ANPEP: variants seen among roughly 807,000 people sequenced by gnomAD.
ANPEP encodes the protein aminopeptidase N.
Under a neutral mutation model 114.6 loss-of-function variants are expected in ANPEP, and 70 were observed. The observed-to-expected ratio is 0.61, with a 90% confidence interval of 0.50 to 0.75. The LOEUF is 0.75. ANPEP is among the 30% of genes least tolerant of loss of function. The pLI, the probability that ANPEP is intolerant of heterozygous loss-of-function variation, is 0.00. For synonymous variants in ANPEP, 548 were observed against 522.3 expected, an observed-to-expected ratio of 1.05 and a Z score of -0.67; for missense variants, 1,184 against 1,259.5, an observed-to-expected ratio of 0.94 and a Z score of 0.91.
In ANPEP at chr15:89,797,590, G is replaced by C. The variant is rs190731361; in HGVS notation, c.2142C>G (p.Val714=). ...ACCTCCGTACCTTCATGGGGCCATA[G>C]ACCTCGGAGCGGTCAAACATGAGCT... ...YFKLMFDRSE[V]YGPMKNYLKK... is the part of the protein sequence containing the mutation. The change falls in exon 15 of 21, where the codon GTC becomes GTG. Residue 714 remains valine (V), a synonymous_variant. Transcript: ENST00000300060. 1.2e-5 allele frequency: 20 copies of C among 1,613,694 alleles called. No homozygotes were observed. In the East Asian group the frequency reaches 4.2e-4, roughly 34 times the overall value.
intron 15 of ANPEP, among the ~76,000 whole-genome samples, chr15:89,793,683 A>T (rs1418822176): frequency 6.8e-6 from 1 of 146,812 alleles, no homozygotes; most frequent in Non-Finnish European, 1.5e-5. Context: ...AGCCTGGGTA[A>T]CAGAGCGAGA....
chr15:89,801,289 G>T, intron 11 of ANPEP, 102 bp from the exon 12 acceptor site: 1 of 1,549,028 alleles, frequency 6.5e-7, no homozygotes, highest in Admixed American at 1.7e-5. Context: ...CTGGCACCGA[G>T]TGCCCCTGAA....
intron 2 of ANPEP, 122 bp from the exon 3 acceptor site, chr15:89,805,585 C>T: frequency 1.5e-6 from 2 of 1,355,720 alleles, no homozygotes; most frequent in Non-Finnish European, 2.0e-6. Context: ...AACCCCTGCT[C>T]CTGCTCCCAC....
chr15:89,790,357 G>C (rs1447307323), intron 20 of ANPEP, 103 bp downstream of exon 20: 1 of 1,016,276 alleles, frequency 9.8e-7, no homozygotes, highest in South Asian at 1.3e-5. Flanking sequence ...GCCTGGCGGC[G>C]TGGAGCCTGT....
chr15:89,813,438 G>A (rs1894850443), intron 1 of ANPEP, among the ~76,000 whole-genome samples: 1 of 152,218 alleles, frequency 6.6e-6, no homozygotes, highest in African/African-American at 2.4e-5. Context: ...CGGCTGGGCT[G>A]CCTCAAGACA....
At chr15:89,801,322 C>G in intron 11 of ANPEP, 113 bp downstream of exon 11, 1 of 1,544,570 alleles carries the variant, frequency 6.5e-7, no homozygotes, top group East Asian at 2.3e-5. Context: ...GAGGGAGGGT[C>G]TGTCTACAGT....
chr15:89,801,485 C>T lies in ANPEP; in HGVS notation c.1692G>A (p.Glu564=), dbSNP rs369683804. 6.2e-6 allele frequency: 10 copies of T among 1,614,208 alleles called. No individual in the cohort carries two copies. The African/African-American group carries it at 9.3e-5, about 15-fold the overall frequency. Reference sequence around the variant, plus strand: ...TGGAATCGGGGTCAAGGAGGAAGTGCTCCTGGGAAAGGGTCCCCGTGCTGG... The same window carrying T: ...TGGAATCGGGGTCAAGGAGGAAGTGTTCCTGGGAAAGGGTCCCCGTGCTGG... ...VDTSTGTLSQ[E]HFLLDPDSNV... is the part of the protein sequence containing the mutation. Residue 564 remains glutamate (E), a synonymous_variant, in exon 11 of 21, where the codon GAG becomes GAA. Coordinates refer to ENST00000300060, the MANE Select transcript of ANPEP (RefSeq NM_001150.3).
At chr15:89,813,629 C>T (rs1339250457) in intron 1 of ANPEP, among the ~76,000 whole-genome samples, 2 of 152,120 alleles carry the variant, frequency 1.3e-5, no homozygotes, top group African/African-American at 4.8e-5. Flanking sequence ...CTGCCCAGCT[C>T]CCCCATACCC....
At chr15:89,811,657 A>AAG (rs1894818495) in intron 1 of ANPEP, among the ~76,000 whole-genome samples, 1 of 151,704 alleles carries the variant, frequency 6.6e-6, no homozygotes. Flanking sequence ...AGTAAAAAAA[A>AAG]AAAAAAAAAG....
Position 89,806,783 on chromosome 15 carries a change from T to G in ANPEP, c.-200A>C. 113 of 846,538 alleles carry G rather than the reference T, an allele frequency of 1.3e-4. No homozygotes were observed. The highest frequency in any genetic ancestry group is 1.8e-4 in the Non-Finnish European group (105 of 574,966). 52.4% of individuals were successfully genotyped at this position (846,538 alleles called of 1,614,324 possible). On this transcript the variant is annotated 5_prime_UTR_variant, in exon 2 of 21. Coordinates refer to ENST00000300060, the MANE Select transcript of ANPEP (RefSeq NM_001150.3). This position sits in a 1 kb window ranked among gnomAD's most constrained non-coding sequence, Gnocchi z 5.7. The stretch of plus-strand genomic sequence containing the variant: ...GGGGAGAGGAGATCCAGGAACGGTG[T>G]GTGGAGCTGGGCTCGGGGGGTGCCT...
intron 6 of ANPEP, 55 bp downstream of exon 6, chr15:89,804,194 CGCCG>C: frequency 6.2e-7 from 1 of 1,603,376 alleles, no homozygotes; most frequent in Admixed American, 1.7e-5. Flanking sequence ...CCTGGACTTG[CGCCG>C]TCTCCTCTCG....
chr15:89,793,870 A>G (rs937923875), intron 15 of ANPEP, among the ~76,000 whole-genome samples: 19 of 152,118 alleles, frequency 1.2e-4, no homozygotes, highest in African/African-American at 3.4e-4. Context: ...TTTACTTAGC[A>G]TATTCTTCAC....
In ANPEP at chr15:89,790,552, G is replaced by A; in HGVS notation, c.2670-11C>T. On this transcript the variant is annotated splice_polypyrimidine_tract_variant and intron_variant, in intron 19 of 20. Coordinates refer to ENST00000300060, the MANE Select transcript of ANPEP (RefSeq NM_001150.3). ...GAGCCACCACCATAACTGCAGGGAG[G>A]GAGAGAGGTGAACTGTGAGGGAGGC... is the stretch of plus-strand genomic sequence containing the variant. 6.2e-7 allele frequency: 1 copy of A among 1,611,874 alleles called. No individual in the cohort carries two copies. Among genetic ancestry groups the A allele is most frequent in the Non-Finnish European group, 8.5e-7 (1 of 1,178,086 alleles).
chr15:89,814,592 A>G (rs1225383686), intron 1 of ANPEP, among the ~76,000 whole-genome samples, 180 bp downstream of exon 1: 15 of 152,222 alleles, frequency 9.9e-5, no homozygotes, highest in Admixed American at 9.8e-4. Flanking sequence ...CTCGGCCAAA[A>G]GAATTCTTCG....
At chr15:89,794,500 A>G (rs567439303) in intron 15 of ANPEP, among the ~76,000 whole-genome samples, 1 of 152,012 alleles carries the variant, frequency 6.6e-6, no homozygotes, top group East Asian at 1.9e-4. Flanking sequence ...AAATAAATAA[A>G]TAAAAATAAA....
At chr15:89,801,907 A>T (rs1231861282) in intron 10 of ANPEP, among the ~76,000 whole-genome samples, 1 of 152,134 alleles carries the variant, frequency 6.6e-6, no homozygotes, top group East Asian at 1.9e-4. Flanking sequence ...CTCTTCCTGA[A>T]CAACACTGGG....
intron 4 of ANPEP, 160 bp from the exon 5 acceptor site, chr15:89,804,777 A>G: frequency 1.9e-6 from 2 of 1,067,100 alleles, no homozygotes; most frequent in Non-Finnish European, 2.7e-6. Context: ...GGGGAACGCT[A>G]CTGGGGTCTG....
intron 1 of ANPEP, among the ~76,000 whole-genome samples, chr15:89,809,443 T>C (rs1235177339): frequency 6.6e-6 from 1 of 152,240 alleles, no homozygotes; most frequent in Non-Finnish European, 1.5e-5. Context: ...TTTACTCTTC[T>C]GGACAAGGCC....
In ANPEP at chr15:89,805,385, G is replaced by A. The variant is rs139102730; in HGVS notation, c.693C>T (p.Ala231=). ...GGTGGATAAGCGTGATGTTGAACTC[G>A]GCCTTCATGGCCGGCTCATCGAAGC... is the stretch of plus-strand genomic sequence containing the variant. ...FPCFDEPAMK[A]EFNITLIHPK... is the part of the protein sequence containing the mutation. Residue 231 remains alanine (A), a synonymous_variant, in exon 3 of 21, where the codon GCC becomes GCT. Coordinates refer to ENST00000300060, the MANE Select transcript of ANPEP (RefSeq NM_001150.3). 1.8e-5 allele frequency: 29 copies of A among 1,614,048 alleles called. No individual in the cohort carries two copies. Among genetic ancestry groups the A allele is most frequent in the East Asian group, 4.5e-5 (2 of 44,890 alleles).
Sources: allele counts gnomAD v4.1 joint callset (sites outside exome capture counted in the v4.1 genomes callset), GRCh38; gene constraint gnomAD v4.1.1; non-coding constraint Gnocchi (gnomAD v3.1); transcripts MANE v1.5; gene names NCBI Gene and HGNC (gene_info 2026-07-23, HGNC 2026-07-21).